Variants in ADTRP observed in about 807,000 individuals in gnomAD.
ADTRP encodes the protein androgen-dependent TFPI-regulating protein.
In ADTRP, 20 loss-of-function variants were observed where a neutral mutation model predicts 27.0. That is an observed-to-expected ratio of 0.74 (90% CI 0.52 to 1.08). The LOEUF is 1.08. Ranked by LOEUF, ADTRP falls within the 50% of genes least tolerant of loss-of-function variation. ADTRP has a pLI of 0.00. For synonymous variants in ADTRP, 101 were observed against 105.2 expected, an observed-to-expected ratio of 0.96 and a Z score of 0.25; for missense variants, 251 against 275.0, an observed-to-expected ratio of 0.91 and a Z score of 0.62.
In ADTRP at chr6:11,769,945, T is replaced by C. The variant is rs529831292; in HGVS notation, c.154-1562A>G. 30 of 1,408,806 alleles carry C rather than the reference T, an allele frequency of 2.1e-5. No homozygotes were observed. In the African/African-American group the frequency reaches 3.6e-4, roughly 17 times the overall value. The allele number at this position is 1,408,806 out of a possible 1,614,324, so 87.3% of individuals were successfully genotyped here. ...TTGGTATGTGCCAGGCACTGAACTG[T>C]GTTTCATTCTCATAACAACCTTACG... On this transcript the variant is annotated intron_variant, in intron 1 of 5. Transcript: ENST00000414691.
intron 3 of ADTRP, among the ~76,000 whole-genome samples, chr6:11,747,258 C>T (rs1005214723): frequency 3.9e-5 from 6 of 152,206 alleles, no homozygotes; most frequent in Admixed American, 2.6e-4. Context: ...TAGTTGTGTT[C>T]AGAGGGAGAT....
intron 3 of ADTRP, among the ~76,000 whole-genome samples, chr6:11,765,010 G>A (rs1288858649): frequency 1.3e-5 from 2 of 151,978 alleles, no homozygotes; most frequent in Non-Finnish European, 2.9e-5. Flanking sequence ...AGAGGAGGAG[G>A]GTTCCTGAGA....
chr6:11,766,469 A>G, intron 2 of ADTRP, 94 bp from the exon 3 acceptor site: 1 of 876,796 alleles, frequency 1.1e-6, no homozygotes, highest in South Asian at 1.6e-5. Flanking sequence ...ATAAAAACAG[A>G]CAACCATTTT....
At chr6:11,758,603 G>T (rs1763299310) in intron 3 of ADTRP, among the ~76,000 whole-genome samples, 1 of 146,680 alleles carries the variant, frequency 6.8e-6, no homozygotes, top group African/African-American at 2.5e-5. Flanking sequence ...AGCATTAGGA[G>T]GTATACCTAA....
chr6:11,745,746 A>G (rs978455659), intron 3 of ADTRP, among the ~76,000 whole-genome samples: 6 of 152,214 alleles, frequency 3.9e-5, no homozygotes, highest in Non-Finnish European at 8.8e-5. Flanking sequence ...TTAAAAACAT[A>G]TAACTACATG....
chr6:11,720,700 C>T (rs1486984358), intron 5 of ADTRP, among the ~76,000 whole-genome samples: 1 of 152,036 alleles, frequency 6.6e-6, no homozygotes, highest in Admixed American at 6.6e-5. Context: ...CTCGATCTAC[C>T]GTGGCTTTCT....
At position 11,765,318 on chromosome 6, in the gene ADTRP, G is replaced by GTTT. The variant is rs1561771294; in HGVS notation, c.390+955_390+956insAAA. Among the ~76,000 whole-genome samples, 9 of 98,800 alleles carry GTTT rather than the reference G, an allele frequency of 9.1e-5. No individual in the cohort carries two copies. The Admixed American group carries it at 9.3e-4, about 10-fold the overall frequency. 64.8% of individuals were successfully genotyped at this position (98,800 alleles called of 152,430 possible). A position where few individuals can be genotyped will look rare whatever the true frequency, so the allele number is the denominator to read the frequency against. On this transcript the variant is annotated intron_variant, in intron 3 of 5. Coordinates refer to ENST00000414691, the MANE Select transcript of ADTRP (RefSeq NM_032744.4). ...TGCCACTTCCTTGTGCCTTTCCCCT[G>GTTT]GTTTGTTTTTTTTTTTTTTTTTTTT...
At chr6:11,738,176 C>T (rs1167315856) in intron 3 of ADTRP, among the ~76,000 whole-genome samples, 3 of 152,114 alleles carry the variant, frequency 2.0e-5, no homozygotes, top group Non-Finnish European at 2.9e-5. Context: ...TTCATCTCAT[C>T]GGTGGGCCCA....
At chr6:11,740,972 G>C (rs1762697337) in intron 3 of ADTRP, among the ~76,000 whole-genome samples, 1 of 152,166 alleles carries the variant, frequency 6.6e-6, no homozygotes, top group Admixed American at 6.5e-5. Context: ...CTCAAAGACT[G>C]AAGTTTTTAA....
At chr6:11,716,701 T>A in intron 5 of ADTRP, among the ~76,000 whole-genome samples, 1 of 136,242 alleles carries the variant, frequency 7.3e-6, no homozygotes, top group Middle Eastern at 3.9e-3. Flanking sequence ...TGACCATGCT[T>A]TTTTTCTTTT....
At chr6:11,718,133 C>T (rs752555810) in intron 5 of ADTRP, among the ~76,000 whole-genome samples, 5 of 152,230 alleles carry the variant, frequency 3.3e-5, no homozygotes, top group Admixed American at 2.0e-4. Flanking sequence ...ACACTCCCAG[C>T]GCCACTTGGC....
At chr6:11,777,467 C>A (rs769264293) in intron 1 of ADTRP, among the ~76,000 whole-genome samples, 1 of 122,284 alleles carries the variant, frequency 8.2e-6, no homozygotes, top group Non-Finnish European at 1.8e-5. Context: ...TGTGTGTATG[C>A]GCGTGTGTGT....
chr6:11,739,331 T>C (rs149882564), intron 3 of ADTRP, among the ~76,000 whole-genome samples: 18 of 152,332 alleles, frequency 1.2e-4, no homozygotes, highest in Admixed American at 1.2e-3. Context: ...CTAGTGGAGC[T>C]ATCTTTCCTT....
At chr6:11,723,944 CA>C (rs1762102587) in intron 4 of ADTRP, among the ~76,000 whole-genome samples, 2 of 152,130 alleles carry the variant, frequency 1.3e-5, no homozygotes, top group Admixed American at 6.5e-5. Flanking sequence ...CCTGTAATCC[CA>C]GCTACTAGGG....
chr6:11,715,576 A>G (rs556863247), intron 5 of ADTRP, among the ~76,000 whole-genome samples: 1 of 147,454 alleles, frequency 6.8e-6, no homozygotes, highest in South Asian at 2.2e-4. Flanking sequence ...GCCGAGGCTT[A>G]TTGTTTATCA....
chr6:11,768,894 G>A (rs1478438737), intron 1 of ADTRP, among the ~76,000 whole-genome samples: 6 of 151,856 alleles, frequency 4.0e-5, no homozygotes, highest in Admixed American at 1.3e-4. Context: ...CACACAAAAG[G>A]GTGCCTTGCT....
intron 1 of ADTRP, among the ~76,000 whole-genome samples, chr6:11,774,794 GCCCTAAACC>G (rs1446412864): frequency 2.0e-5 from 3 of 152,208 alleles, no homozygotes; most frequent in Non-Finnish European, 4.4e-5. Flanking sequence ...GCTGAGCCTT[GCCCTAAACC>G]CCCTAGCTCA....
At position 11,778,694 on chromosome 6, in the gene ADTRP, A is replaced by T; in HGVS notation, c.66T>A (p.Tyr22Ter). 3 of 1,614,170 alleles carry T rather than the reference A, an allele frequency of 1.9e-6. No homozygotes were observed. Among genetic ancestry groups the T allele is most frequent in the Non-Finnish European group, 2.5e-6 (3 of 1,180,034 alleles). Residue 22 changes from tyrosine to a stop codon, truncating the protein, a stop_gained, in exon 1 of 6, where the codon TAT (tyrosine) becomes TAA (stop). Coordinates refer to ENST00000414691, the MANE Select transcript of ADTRP (RefSeq NM_032744.4). LOFTEE classifies it high-confidence loss of function. ...LVLSWYTFLN[Y>*]YISQEGKDEV... The stretch of plus-strand genomic sequence containing the variant: ...CGTCTTTTCCTTCCTGTGAGATGTA[A>T]TAATTGAGGAAAGTATACCAGCTCA...
chr6:11,770,941 C>A (rs1266554071), intron 1 of ADTRP, among the ~76,000 whole-genome samples: 1 of 152,218 alleles, frequency 6.6e-6, no homozygotes, highest in Admixed American at 6.5e-5. Flanking sequence ...TAATCCCATC[C>A]TGAGCCTGGG....
Sources: allele counts gnomAD v4.1 joint callset (sites outside exome capture counted in the v4.1 genomes callset), GRCh38; gene constraint gnomAD v4.1.1; transcripts MANE v1.5; gene names NCBI Gene and HGNC (gene_info 2026-07-23, HGNC 2026-07-21).